The following ZNF608 variants were observed in gnomAD, a reference collection of about 807,000 sequenced individuals.
ZNF608 encodes the protein zinc finger protein 608, also known as renal carcinoma antigen NY-REN-36.
Under a neutral mutation model 109.0 loss-of-function variants are expected in ZNF608, and 12 were observed. The ratio of observed to expected loss-of-function variants is 0.11; its 90% CI spans 0.07 to 0.18. ZNF608 has a LOEUF of 0.18. ZNF608 is among the 10% of genes least tolerant of loss of function. The pLI is 1.00. For synonymous variants in ZNF608, 732 were observed against 717.4 expected (o/e 1.02, Z -0.33); for missense variants, 1,707 against 1,879.3 (o/e 0.91, Z 1.70).
chr5:124,727,362 G>A (rs1320832113), intron 2 of ZNF608, among the ~76,000 whole-genome samples: 2 of 152,122 alleles, frequency 1.3e-5, no homozygotes, highest in African/African-American at 4.8e-5. Flanking sequence ...TGGGATTCCA[G>A]TTGGTCTTGA....
chr5:124,741,427 A>G (rs1749394630), intron 2 of ZNF608, among the ~76,000 whole-genome samples: 1 of 148,140 alleles, frequency 6.8e-6, no homozygotes, highest in South Asian at 2.1e-4. Context: ...AAATGCACAC[A>G]CACATACACT....
intron 3 of ZNF608, among the ~76,000 whole-genome samples, chr5:124,688,214 G>A (rs10478639): frequency 6.6e-6 from 1 of 151,852 alleles, no homozygotes; most frequent in Non-Finnish European, 1.5e-5. Flanking sequence ...GAGAAAAAGA[G>A]CTGTAAGAGT....
chr5:124,726,838 G>A (rs1171542609), intron 2 of ZNF608, among the ~76,000 whole-genome samples: 2 of 152,156 alleles, frequency 1.3e-5, no homozygotes, highest in Non-Finnish European at 2.9e-5. Flanking sequence ...ACACATATGT[G>A]TTACCTGAGT....
At position 124,647,403 on chromosome 5, in the gene ZNF608, G is replaced by A. The variant is rs755313690; in HGVS notation, c.2981C>T (p.Ser994Phe). ...AQSSQLKESH[S>F]PYYHSYDPYY... ...AGGATCATAGCTGTGGTAATAGGGA[G>A]AATGGGACTCTTTCAGTTGAGATGA... The change falls in exon 5 of 10, where the codon TCT (serine) becomes TTT (phenylalanine). Residue 994 changes from serine to phenylalanine, a missense_variant. Physicochemically the swap from Ser to Phe is radical, Grantham distance 155. Around this residue, in one of 7 missense-constraint regions of ZNF608, gnomAD observed 1,073 missense variants for 1,133.5 expected, o/e 0.95. Transcript: ENST00000513986. 5 of 1,614,106 alleles carry A rather than the reference G, an allele frequency of 3.1e-6. No individual in the cohort carries two copies. The highest frequency in any genetic ancestry group is 4.2e-6 in the Non-Finnish European group (5 of 1,180,048).
At chr5:124,644,193 A>G (rs745560598) in intron 6 of ZNF608, 51 bp downstream of exon 6, 1 of 1,478,744 alleles carries the variant, frequency 6.8e-7, no homozygotes, top group South Asian at 1.4e-5. Context: ...AACAGCTAAT[A>G]TTTGAACATC....
At chr5:124,649,763 T>C (rs1750698308) in intron 3 of ZNF608, 66 bp from the exon 4 acceptor site, 6 of 1,059,498 alleles carry the variant, frequency 5.7e-6, no homozygotes, top group Non-Finnish European at 8.0e-6. Context: ...CCAGTTCACT[T>C]ATTATTTTTT....
chr5:124,640,945 A>G (rs936620394), intron 8 of ZNF608, among the ~76,000 whole-genome samples: 4 of 152,182 alleles, frequency 2.6e-5, no homozygotes. Context: ...TGAAGTAGAT[A>G]TCTGATCTTC....
At chr5:124,683,983 A>ATGT (rs1348504053) in intron 3 of ZNF608, among the ~76,000 whole-genome samples, 1 of 152,216 alleles carries the variant, frequency 6.6e-6, no homozygotes, top group East Asian at 1.9e-4. Context: ...CATAAAATAA[A>ATGT]TGTCAGTCTA....
intron 2 of ZNF608, among the ~76,000 whole-genome samples, chr5:124,713,503 T>C (rs2149869711): frequency 6.6e-6 from 1 of 152,356 alleles, no homozygotes; most frequent in South Asian, 2.1e-4. Flanking sequence ...AAAAAGAATT[T>C]CATACTTCTC....
In ZNF608 at chr5:124,648,368, G is replaced by T; in HGVS notation, c.2016C>A (p.Asn672Lys). 6.2e-7 allele frequency: 1 copy of T among 1,614,206 alleles called. No individual in the cohort carries two copies. The change falls in exon 5 of 10, where the codon AAC becomes AAA. Residue 672 changes from asparagine (N) to lysine (K), a missense_variant. Physicochemically the swap from Asn to Lys is moderately conservative, Grantham distance 94. This residue lies in a region of ZNF608 where 1,073 missense variants were observed against 1,133.5 expected (regional missense o/e 0.95). Transcript: ENST00000513986. The part of the protein sequence containing the change: ...KKKGLNNELN[N>K]LPVISNMTAA... ...CCGTCATGTTGGAGATTACTGGAAGGTTGTTCAGTTCATTGTTAAGGCCCT... is the reference window on the plus strand; with the variant it reads ...CCGTCATGTTGGAGATTACTGGAAGTTTGTTCAGTTCATTGTTAAGGCCCT...
chr5:124,639,946 T>G (rs1441844424), intron 8 of ZNF608, among the ~76,000 whole-genome samples: 1 of 152,206 alleles, frequency 6.6e-6, no homozygotes, highest in Non-Finnish European at 1.5e-5. Context: ...AAGAGACAAT[T>G]GTTTTCTTCT....
rs755313690 is a variant in ZNF608 at position 124,647,403 on chromosome 5, G to T, written c.2981C>A (p.Ser994Tyr). ...AGGATCATAGCTGTGGTAATAGGGA[G>T]AATGGGACTCTTTCAGTTGAGATGA... ...AQSSQLKESH[S>Y]PYYHSYDPYY... The change falls in exon 5 of 10, where the codon TCT becomes TAT. Residue 994 changes from serine to tyrosine, a missense_variant. By Grantham distance (144) the Ser-to-Tyr change is moderately radical. Around this residue, in one of 7 missense-constraint regions of ZNF608, gnomAD observed 1,073 missense variants for 1,133.5 expected, o/e 0.95. Coordinates refer to ENST00000513986, the MANE Select transcript of ZNF608 (RefSeq NM_020747.3). The T allele has an allele frequency of 1.2e-6, 2 of 1,614,224 alleles. No individual in the cohort carries two copies. Among genetic ancestry groups the T allele is most frequent in the Middle Eastern group, 1.6e-4 (1 of 6,062 alleles).
intron 3 of ZNF608, among the ~76,000 whole-genome samples, chr5:124,679,742 C>CT (rs1430903734): frequency 1.3e-5 from 2 of 152,148 alleles, no homozygotes; most frequent in African/African-American, 4.8e-5. Flanking sequence ...TAGCAGAGTG[C>CT]TTTGGAGCTC....
At chr5:124,716,038 G>A (rs758962406) in intron 2 of ZNF608, among the ~76,000 whole-genome samples, 110 of 151,596 alleles carry the variant, frequency 7.3e-4, no homozygotes, top group Admixed American at 1.4e-3. Context: ...AGCTACTGGG[G>A]AGGCTGAGGC....
intron 3 of ZNF608, among the ~76,000 whole-genome samples, chr5:124,651,215 C>T (rs528415674): frequency 2.9e-4 from 44 of 152,204 alleles, no homozygotes; most frequent in African/African-American, 1.0e-3. Context: ...TATAAAATTT[C>T]CTATTGCGAT....
chr5:124,728,369 C>G (rs906693248), intron 2 of ZNF608, among the ~76,000 whole-genome samples: 11 of 152,060 alleles, frequency 7.2e-5, no homozygotes, highest in African/African-American at 1.7e-4. Context: ...GGAATTTAGC[C>G]AAGGGGATCA....
chr5:124,701,478 C>T (rs1580655460), intron 2 of ZNF608, among the ~76,000 whole-genome samples: 4 of 152,136 alleles, frequency 2.6e-5, no homozygotes, highest in East Asian at 1.9e-4. Context: ...AACATGAGAG[C>T]GCTAGCTCCC....
intron 3 of ZNF608, among the ~76,000 whole-genome samples, chr5:124,685,712 C>T (rs866432604): frequency 7.2e-5 from 11 of 152,088 alleles, no homozygotes; most frequent in Middle Eastern, 3.5e-3. Context: ...GAACTCAGTA[C>T]GCGGCCAGCC....
Position 124,746,495 on chromosome 5 carries a change from A to G in ZNF608, c.-484T>C, listed in dbSNP as rs1388527473. 2.0e-6 allele frequency: 2 copies of G among 985,116 alleles called. No homozygotes were observed. The highest frequency in any genetic ancestry group is 2.4e-6 in the Non-Finnish European group (2 of 829,880). 61.0% of individuals were successfully genotyped at this position (985,116 alleles called of 1,614,324 possible). On this transcript the variant is annotated 5_prime_UTR_variant, in exon 1 of 10. It removes an upstream start codon present in the reference 5' UTR. Transcript: ENST00000513986. ...AGGTTTTTTTTTCCTCTTAACAAGC[A>G]TCGAGAATAATAGTTTTTTAAAAAA...
Sources: gnomAD v4.1 joint callset for allele counts (sites outside exome capture counted in the v4.1 genomes callset) on GRCh38, gnomAD v4.1.1 for gene constraint, gnomAD v4.1.1 regional missense constraint, MANE v1.5 for transcripts, NCBI Gene and HGNC (gene_info 2026-07-23, HGNC 2026-07-21) for gene names.